NRG1: variants seen among roughly 807,000 people sequenced by gnomAD.
NRG1 encodes the protein pro-neuregulin-1, membrane-bound isoform.
In NRG1, 18 loss-of-function variants were observed where a neutral mutation model predicts 63.8. The observed-to-expected ratio is 0.28, with a 90% confidence interval of 0.19 to 0.42. The LOEUF is 0.42. NRG1 is among the 10% of genes least tolerant of loss of function. The pLI is 1.00. For missense variants in NRG1, 762 were observed against 814.7 expected, an observed-to-expected ratio of 0.94 and a Z score of 0.79; for synonymous variants, 302 against 301.3, an observed-to-expected ratio of 1.00 and a Z score of -0.02.
At chr8:32,227,627 C>T (rs1349599772) in intron 1 of NRG1, among the ~76,000 whole-genome samples, 2 of 152,126 alleles carry the variant, frequency 1.3e-5, no homozygotes, top group Non-Finnish European at 2.9e-5. Flanking sequence ...CTTGAGAAGG[C>T]AATACTGGTC....
Position 32,596,025 on chromosome 8 carries a change from T to A in NRG1, c.278+20T>A, listed in dbSNP as rs1020397667. ...GCCAGGGTAAGTATAATGCATAAAA[T>A]AGTAGAGACTGCCCCCAGCAATAAG... On this transcript the variant is annotated intron_variant, in intron 2 of 11. Coordinates refer to ENST00000356819, the Ensembl canonical transcript of NRG1. 18 of 1,581,744 alleles carry A rather than the reference T, an allele frequency of 1.1e-5. No individual in the cohort carries two copies. The highest frequency in any genetic ancestry group is 1.5e-5 in the Non-Finnish European group (17 of 1,157,928).
At chr8:32,554,344 CA>C (rs1276925169) in intron 1 of NRG1, among the ~76,000 whole-genome samples, 2 of 151,770 alleles carry the variant, frequency 1.3e-5, no homozygotes, top group African/African-American at 4.8e-5. Flanking sequence ...AGCGAGCTAC[CA>C]AAATACCAAT....
intron 1 of NRG1, among the ~76,000 whole-genome samples, chr8:32,222,652 G>A (rs774091767): frequency 2.0e-5 from 3 of 152,078 alleles, no homozygotes; most frequent in South Asian, 2.1e-4. Context: ...CATTAGCTAC[G>A]GAACCTTGAT....
chr8:32,651,748 A>G (rs1855175484), intron 5 of NRG1, among the ~76,000 whole-genome samples: 3 of 152,156 alleles, frequency 2.0e-5, no homozygotes, highest in African/African-American at 7.2e-5. Flanking sequence ...GATGAGTTGG[A>G]TATACCATAG....
intron 1 of NRG1, among the ~76,000 whole-genome samples, chr8:32,133,204 G>T (rs1460526705): frequency 2.0e-5 from 3 of 152,070 alleles, no homozygotes; most frequent in African/African-American, 7.2e-5. Context: ...GCAGGAAAAA[G>T]AATTCATATA....
chr8:32,681,937 T>A (rs1352483203), intron 5 of NRG1, among the ~76,000 whole-genome samples: 2 of 152,180 alleles, frequency 1.3e-5, no homozygotes, highest in Non-Finnish European at 2.9e-5. Flanking sequence ...AACGTTAACA[T>A]GCACATGGAG....
At chr8:31,799,659 A>T (rs1821562882) in intron 1 of NRG1, among the ~76,000 whole-genome samples, 1 of 151,972 alleles carries the variant, frequency 6.6e-6, no homozygotes, top group African/African-American at 2.4e-5. Flanking sequence ...TTGCACTTTT[A>T]TGATTTTCCA....
chr8:32,595,919 C>T (rs754548236), exon 2 of NRG1: 8 of 1,613,842 alleles, frequency 5.0e-6, no homozygotes, highest in Admixed American at 1.7e-5. Context: ...CTGAATACTC[C>T]TCTCTCAGAT....
At chr8:32,455,305 C>A (rs1306054896) in intron 1 of NRG1, among the ~76,000 whole-genome samples, 1 of 152,134 alleles carries the variant, frequency 6.6e-6, no homozygotes, top group Non-Finnish European at 1.5e-5. Flanking sequence ...ATAACACCTG[C>A]CAAATAGTGC....
intron 1 of NRG1, among the ~76,000 whole-genome samples, chr8:32,444,087 C>G (rs1342900490): frequency 6.7e-6 from 1 of 149,562 alleles, no homozygotes; most frequent in Non-Finnish European, 1.5e-5. Context: ...CCCTCCCTCC[C>G]TCTCTCTTTC....
At chr8:32,361,646 G>C (rs149923818) in intron 1 of NRG1, among the ~76,000 whole-genome samples, 17 of 152,064 alleles carry the variant, frequency 1.1e-4, no homozygotes, top group East Asian at 9.7e-4. Flanking sequence ...CTTCCCCTTG[G>C]TGATTCAAGA....
chr8:31,716,602 C>G (rs1812372317), intron 1 of NRG1, among the ~76,000 whole-genome samples: 1 of 152,186 alleles, frequency 6.6e-6, no homozygotes, highest in Non-Finnish European at 1.5e-5. Context: ...CTTTTATCAG[C>G]CAATCCTTAT....
At chr8:32,003,016 G>T (rs1206487488) in intron 1 of NRG1, among the ~76,000 whole-genome samples, 1 of 151,920 alleles carries the variant, frequency 6.6e-6, no homozygotes, top group East Asian at 1.9e-4. Context: ...AACCCATATT[G>T]CTGTAGGAAA....
intron 1 of NRG1, among the ~76,000 whole-genome samples, chr8:32,285,475 T>C (rs1319154269): frequency 6.6e-6 from 1 of 152,230 alleles, no homozygotes; most frequent in East Asian, 1.9e-4. Context: ...TCCAAGGGAC[T>C]TGACCAAGTT....
At chr8:32,484,633 T>C (rs976196189) in intron 1 of NRG1, among the ~76,000 whole-genome samples, 2 of 152,088 alleles carry the variant, frequency 1.3e-5, no homozygotes, top group African/African-American at 4.8e-5. Flanking sequence ...TAGACTTAGA[T>C]AGGAACTCAC....
At chr8:32,309,730 T>C (rs574328823) in intron 1 of NRG1, among the ~76,000 whole-genome samples, 17 of 152,346 alleles carry the variant, frequency 1.1e-4, no homozygotes, top group African/African-American at 3.8e-4. Flanking sequence ...TCCAGAGAAC[T>C]ACACTTGCTA....
intron 1 of NRG1, among the ~76,000 whole-genome samples, chr8:31,740,502 A>G (rs1287385756): frequency 6.6e-6 from 1 of 152,022 alleles, no homozygotes; most frequent in African/African-American, 2.4e-5. Context: ...CTATTTTTAA[A>G]TAGAAGAAAA....
chr8:31,760,746 A>C (rs1378216646), intron 1 of NRG1, among the ~76,000 whole-genome samples: 8 of 152,194 alleles, frequency 5.3e-5, no homozygotes, highest in Admixed American at 2.0e-4. Context: ...TCAAAACCAC[A>C]ATGAGATACC....
intron 1 of NRG1, among the ~76,000 whole-genome samples, chr8:31,943,255 T>G (rs1460500259): frequency 6.6e-6 from 1 of 152,170 alleles, no homozygotes; most frequent in African/African-American, 2.4e-5. Context: ...GAATTGGAGA[T>G]TATTATTCTA....
Sources: gnomAD v4.1 joint callset for allele counts (sites outside exome capture counted in the v4.1 genomes callset) on GRCh38, gnomAD v4.1.1 for gene constraint, MANE v1.5 for transcripts, NCBI Gene and HGNC (gene_info 2026-07-23, HGNC 2026-07-21) for gene names.